CDCP1: variants seen among roughly 807,000 people sequenced by gnomAD.
The protein encoded by CDCP1 is CUB domain containing protein 1, also known as CUB domain-containing protein 1.
Under a neutral mutation model 60.2 loss-of-function variants are expected in CDCP1, and 29 were observed. The ratio of observed to expected loss-of-function variants is 0.48; its 90% CI spans 0.36 to 0.66. The LOEUF (loss-of-function observed/expected upper bound fraction) is 0.66. Among genes scored for constraint, CDCP1 ranks in the 30% least tolerant of loss-of-function variants. The probability of loss-of-function intolerance (pLI) is 0.00; values close to 1 mark genes in which losing one functional copy is unlikely to be tolerated. For missense variants in CDCP1, 876 were observed against 1,074.3 expected, an observed-to-expected ratio of 0.82 and a Z score of 2.58; for synonymous variants, 387 against 431.1, an observed-to-expected ratio of 0.90 and a Z score of 1.27.
chr3:45,134,937 G>A (rs905449742), intron 1 of CDCP1, among the ~76,000 whole-genome samples: 1 of 152,200 alleles, frequency 6.6e-6, no homozygotes, highest in African/African-American at 2.4e-5. Context: ...TGTCAATGAG[G>A]AAGGCCATTA....
intron 4 of CDCP1, among the ~76,000 whole-genome samples, chr3:45,105,446 A>T (rs1433593541): frequency 6.6e-6 from 1 of 151,746 alleles, no homozygotes; most frequent in Non-Finnish European, 1.5e-5. Flanking sequence ...CTGCTTCCAC[A>T]ACCAGCATTC....
intron 4 of CDCP1, among the ~76,000 whole-genome samples, chr3:45,096,319 G>A (rs895811322): frequency 6.6e-5 from 10 of 152,030 alleles, no homozygotes; most frequent in Admixed American, 1.3e-4. Context: ...GGAATATTAC[G>A]GAGCTGTTAA....
At chr3:45,105,279 C>T (rs1002410155) in intron 4 of CDCP1, among the ~76,000 whole-genome samples, 2 of 152,028 alleles carry the variant, frequency 1.3e-5, no homozygotes, top group East Asian at 1.9e-4. Flanking sequence ...AAGTCAAAGG[C>T]CATAATACCT....
rs770872061 is a variant in CDCP1 at position 45,112,245 on chromosome 3, C to T, written c.493G>A (p.Gly165Ser). ...CTGACCACGGTGGCATCGATTCGGC[C>T]GCTGATGGAGTGAGTGACTCCGTCT... is the stretch of plus-strand genomic sequence containing the variant. ...CPDGVTHSISGRIDATVVRIG... is the reference protein window; with the variant it reads ...CPDGVTHSISSRIDATVVRIG... Residue 165 changes from glycine to serine, a missense_variant, in exon 3 of 9, where the codon GGC becomes AGC. Physicochemically the swap from Gly to Ser is moderately conservative, Grantham distance 56. This residue lies in a region of CDCP1 where 726 missense variants were observed against 935.7 expected (regional missense o/e 0.78). Coordinates refer to ENST00000296129, the MANE Select transcript of CDCP1 (RefSeq NM_022842.5). 35 of 1,614,036 alleles carry T rather than the reference C, an allele frequency of 2.2e-5. No individual in the cohort carries two copies. Among genetic ancestry groups the T allele is most frequent in the Admixed American group, 8.3e-5 (5 of 59,996 alleles).
At chr3:45,136,197 A>G (rs1257020529) in intron 1 of CDCP1, among the ~76,000 whole-genome samples, 1 of 152,220 alleles carries the variant, frequency 6.6e-6, no homozygotes, top group African/African-American at 2.4e-5. Context: ...AGGAACCAAG[A>G]ATGCTGAGTT....
At chr3:45,094,115 G>A (rs1698354882) in intron 5 of CDCP1, among the ~76,000 whole-genome samples, 1 of 152,138 alleles carries the variant, frequency 6.6e-6, no homozygotes, top group Non-Finnish European at 1.5e-5. Context: ...TTCTTGGGCA[G>A]GCTACTTTGC....
intron 1 of CDCP1, among the ~76,000 whole-genome samples, chr3:45,120,064 G>T (rs1698856184): frequency 6.6e-6 from 1 of 152,194 alleles, no homozygotes; most frequent in Non-Finnish European, 1.5e-5. Flanking sequence ...AATAGGCCAT[G>T]ATTTATTTAT....
chr3:45,133,896 T>C (rs1179828032), intron 1 of CDCP1, among the ~76,000 whole-genome samples: 2 of 152,142 alleles, frequency 1.3e-5, no homozygotes, highest in East Asian at 1.9e-4. Flanking sequence ...CCATCTCCGA[T>C]GTCCTCACCA....
intron 1 of CDCP1, among the ~76,000 whole-genome samples, chr3:45,125,025 T>C (rs1169040392): frequency 6.6e-6 from 1 of 152,174 alleles, no homozygotes; most frequent in Non-Finnish European, 1.5e-5. Context: ...GGGTCTGCTA[T>C]CAACCATCTG....
At chr3:45,130,176 C>A (rs531690197) in intron 1 of CDCP1, among the ~76,000 whole-genome samples, 11 of 151,684 alleles carry the variant, frequency 7.3e-5, no homozygotes, top group African/African-American at 2.7e-4. Flanking sequence ...GGCTGCAGAG[C>A]AGTGGTGTGA....
chr3:45,108,123 TA>T (rs1288253821), intron 4 of CDCP1, among the ~76,000 whole-genome samples: 13 of 142,208 alleles, frequency 9.1e-5, no homozygotes, highest in South Asian at 4.5e-4. Flanking sequence ...AGACTCTGCC[TA>T]AAAAAAAAAG....
chr3:45,102,333 G>C (rs951145668), intron 4 of CDCP1, among the ~76,000 whole-genome samples: 1 of 151,940 alleles, frequency 6.6e-6, no homozygotes, highest in Admixed American at 6.6e-5. Context: ...GCCTCCCAAA[G>C]TGCTGGGATT....
chr3:45,120,885 T>C (rs997586892), intron 1 of CDCP1, among the ~76,000 whole-genome samples: 4 of 132,296 alleles, frequency 3.0e-5, no homozygotes, highest in Admixed American at 1.6e-4. Flanking sequence ...TGGCCTTCCC[T>C]GACCAGCCCA....
At chr3:45,113,705 C>T (rs1397692957) in intron 2 of CDCP1, among the ~76,000 whole-genome samples, 2 of 152,174 alleles carry the variant, frequency 1.3e-5, no homozygotes, top group African/African-American at 4.8e-5. Flanking sequence ...TTCCAGATCC[C>T]AGGACGAAAG....
intron 4 of CDCP1, among the ~76,000 whole-genome samples, chr3:45,101,822 G>T (rs545507703): frequency 1.3e-3 from 189 of 148,388 alleles, no homozygotes; most frequent in African/African-American, 4.5e-3. Context: ...GAAGGCAGAG[G>T]TTGCAGTGAG....
At chr3:45,142,645 C>A (rs1699310543) in intron 1 of CDCP1, among the ~76,000 whole-genome samples, 1 of 152,186 alleles carries the variant, frequency 6.6e-6, no homozygotes, top group African/African-American at 2.4e-5. Flanking sequence ...GCCCTAAGAA[C>A]CTCTCTACTC....
chr3:45,122,259 T>C (rs1448487833), intron 1 of CDCP1, among the ~76,000 whole-genome samples: 1 of 150,850 alleles, frequency 6.6e-6, no homozygotes, highest in Non-Finnish European at 1.5e-5. Flanking sequence ...TTCTCCTGCC[T>C]CAGCCTCCCG....
chr3:45,110,278 T>C, intron 4 of CDCP1, 195 bp downstream of exon 4: 1 of 1,422,434 alleles, frequency 7.0e-7, no homozygotes, highest in Non-Finnish European at 9.2e-7. Context: ...GAAATGGAAC[T>C]ACATACCGGG....
chr3:45,133,030 C>T (rs1038576455), intron 1 of CDCP1, among the ~76,000 whole-genome samples: 2 of 152,124 alleles, frequency 1.3e-5, no homozygotes, highest in Non-Finnish European at 2.9e-5. Context: ...TGGGCTTTTC[C>T]TGGAGAAAAG....
Sources: gnomAD v4.1 joint callset for allele counts (sites outside exome capture counted in the v4.1 genomes callset) on GRCh38, gnomAD v4.1.1 for gene constraint, gnomAD v4.1.1 regional missense constraint, MANE v1.5 for transcripts, NCBI Gene and HGNC (gene_info 2026-07-23, HGNC 2026-07-21) for gene names.